The following UBN2 variants were observed in gnomAD, a reference collection of about 807,000 sequenced individuals.
UBN2 encodes the protein ubinuclein-2.
Under a neutral mutation model 120.2 loss-of-function variants are expected in UBN2, and 35 were observed. That is an observed-to-expected ratio of 0.29 (90% CI 0.22 to 0.39). The LOEUF (loss-of-function observed/expected upper bound fraction) is 0.39. UBN2 is among the 10% of genes least tolerant of loss of function. The pLI, the probability that UBN2 is intolerant of heterozygous loss-of-function variation, is 1.00. For synonymous variants in UBN2, 661 were observed against 648.7 expected (o/e 1.02, Z -0.29); for missense variants, 1,693 against 1,663.2 (o/e 1.02, Z -0.31).
intron 7 of UBN2, among the ~76,000 whole-genome samples, chr7:139,268,277 A>G (rs1157891884): frequency 1.3e-5 from 2 of 151,962 alleles, no homozygotes; most frequent in Non-Finnish European, 2.9e-5. Flanking sequence ...CACAAGTACT[A>G]GTGTTCTGAG....
At position 139,234,075 on chromosome 7, in the gene UBN2, CAT is replaced by C. The variant is rs557297802; in HGVS notation, c.468+2126_468+2127del. On this transcript the variant is annotated intron_variant, in intron 1 of 17. Transcript: ENST00000473989. ...TTATTATGCAAGAAAGCATAGAAAA[CAT>C]ATGTTTAAGTAAAATTGTCATGGTT... Among the ~76,000 whole-genome samples the C allele has an allele frequency of 2.6e-3, 397 of 152,000 alleles. 2 individuals are homozygous for C. Among genetic ancestry groups the C allele is most frequent in the South Asian group, 4.4e-3 (21 of 4,814 alleles).
the UBN2 span, among the ~76,000 whole-genome samples, chr7:139,323,382 C>T: frequency 6.6e-6 from 1 of 152,218 alleles, no homozygotes; most frequent in Non-Finnish European, 1.5e-5. Flanking sequence ...CATATGCTGA[C>T]CTCTCCTTTG....
At chr7:139,248,145 G>C (rs73466681) in intron 2 of UBN2, among the ~76,000 whole-genome samples, 3 of 152,160 alleles carry the variant, frequency 2.0e-5, no homozygotes, top group Middle Eastern at 3.4e-3. Context: ...TATGGCATAA[G>C]TTCTTAACAG....
Position 139,305,560 on chromosome 7 carries a change from A to C in UBN2, c.*7724A>C, listed in dbSNP as rs986522323. On this transcript the variant is annotated 3_prime_UTR_variant, in exon 18 of 18. Transcript: ENST00000473989. ...TACTTGTGATCTTTAATTTCCTTAT[A>C]TTGTGATAGTTCTACTTTTCAGTCT... 6.6e-6 allele frequency: 1 copy of C among 152,182 alleles called. No homozygotes were observed. Among genetic ancestry groups the C allele is most frequent in the African/African-American group, 2.4e-5 (1 of 41,444 alleles). The allele number at this position is 152,182 out of a possible 1,614,324, so 9.4% of individuals were successfully genotyped here. A position where few individuals can be genotyped will look rare whatever the true frequency, so the allele number is the denominator to read the frequency against.
chr7:139,241,638 C>CA (rs1288822919), intron 2 of UBN2, among the ~76,000 whole-genome samples: 1 of 152,142 alleles, frequency 6.6e-6, no homozygotes, highest in African/African-American at 2.4e-5. Context: ...TGTTTTCACT[C>CA]AAAGACAAAT....
At chr7:139,282,952 A>T in intron 14 of UBN2, 72 bp from the exon 15 acceptor site, 2 of 1,197,474 alleles carry the variant, frequency 1.7e-6, no homozygotes, top group Non-Finnish European at 1.1e-6. Flanking sequence ...AGAATCTTTT[A>T]GTTATTTAAA....
rs764662866 is a variant in UBN2, at chr7:139,261,646, C to G, written c.1300C>G (p.Pro434Ala). 2.5e-6 allele frequency: 4 copies of G among 1,614,156 alleles called. No individual in the cohort carries two copies. The East Asian group carries it at 8.9e-5, about 36-fold the overall frequency. ...GGGTGAAAATGGAACCACCACCCAG[C>G]CAACCTACACTTCTCAGGTTATGCC... is the stretch of plus-strand genomic sequence containing the variant. The part of the protein sequence containing the change: ...SGGENGTTTQ[P>A]TYTSQVMPKV... Residue 434 changes from proline (P) to alanine (A), a missense_variant, in exon 6 of 18, where the codon CCA becomes GCA. Physicochemically the swap from Pro to Ala is conservative, Grantham distance 27 (BLOSUM62 -1). This residue lies in a region of UBN2 where 663 missense variants were observed against 591.2 expected (regional missense o/e 1.12). Coordinates refer to ENST00000473989, the MANE Select transcript of UBN2 (RefSeq NM_173569.4).
In UBN2 at chr7:139,231,757, G is replaced by A. The variant is rs887892310; in HGVS notation, c.273G>A (p.Pro91=). 9 of 1,230,896 alleles carry A rather than the reference G, an allele frequency of 7.3e-6. No individual in the cohort carries two copies. Among genetic ancestry groups the A allele is most frequent in the Middle Eastern group, 3.0e-4 (1 of 3,296 alleles). The allele number at this position is 1,230,896 out of a possible 1,614,324, so 76.2% of individuals were successfully genotyped here. A position where few individuals can be genotyped will look rare whatever the true frequency, so the allele number is the denominator to read the frequency against. ...EPPMSLQREP[P]RPEPPPPFPP... ...CCATGTCGCTGCAGCGGGAGCCCCCGCGGCCCGAGCCGCCGCCGCCGTTCC... is the reference window on the plus strand; with the variant it reads ...CCATGTCGCTGCAGCGGGAGCCCCCACGGCCCGAGCCGCCGCCGCCGTTCC... The change falls in exon 1 of 18, where the codon CCG becomes CCA. Residue 91 remains proline (P), a synonymous_variant. Transcript: ENST00000473989.
intron 1 of UBN2, among the ~76,000 whole-genome samples, chr7:139,234,893 G>C (rs757455130): frequency 1.3e-5 from 2 of 152,126 alleles, no homozygotes; most frequent in Non-Finnish European, 2.9e-5. Flanking sequence ...GATGAGTTAA[G>C]ATCAAAGGAC....
chr7:139,267,854 G>C (rs1797146264), intron 7 of UBN2, among the ~76,000 whole-genome samples: 1 of 152,166 alleles, frequency 6.6e-6, no homozygotes, highest in Non-Finnish European at 1.5e-5. Context: ...CTGCGTGGCA[G>C]CCAGGCAACT....
intron 12 of UBN2, 42 bp from the exon 13 acceptor site, chr7:139,279,276 T>C: frequency 2.0e-6 from 3 of 1,498,210 alleles, no homozygotes; most frequent in Non-Finnish European, 2.8e-6. Flanking sequence ...ATGAGCAATA[T>C]AACTGCTACT....
chr7:139,236,922 C>G, intron 1 of UBN2, 83 bp from the exon 2 acceptor site: 2 of 798,152 alleles, frequency 2.5e-6, no homozygotes, highest in South Asian at 3.7e-5. Flanking sequence ...GTGGTTGTTA[C>G]ATAATGATAA....
chr7:139,267,762 T>C lies in UBN2; in HGVS notation c.1466+1359T>C, dbSNP rs28406602. ...TAGACTCAGAAAATGTATAACTTAGTCTGCCGCTAGTATGGTGGCAGAGGA... is the reference window on the plus strand; with the variant it reads ...TAGACTCAGAAAATGTATAACTTAGCCTGCCGCTAGTATGGTGGCAGAGGA... On this transcript the variant is annotated intron_variant, in intron 7 of 17. Transcript: ENST00000473989. 5.8e-3 allele frequency among the ~76,000 whole-genome samples: 882 copies of C among 152,328 alleles called. 13 individuals are homozygous for C. Among genetic ancestry groups the C allele is most frequent in the African/African-American group, 0.02 (839 of 41,574 alleles).
In UBN2 at chr7:139,284,144, A is replaced by C. The variant is rs749917412; in HGVS notation, c.3239A>C (p.Asn1080Thr). ...TCAACTAAACTTATTTCTAAATCCA[A>C]CCCAACTCCCAAGCCTACTGTATCC... ...SVSTKLISKS[N>T]PTPKPTVSPS... is the part of the protein sequence containing the mutation. Residue 1080 changes from asparagine to threonine, a missense_variant, in exon 15 of 18, where the codon AAC becomes ACC. By Grantham distance (65) the Asn-to-Thr change is moderately conservative. Around this residue, in one of 5 missense-constraint regions of UBN2, gnomAD observed 837 missense variants for 817.6 expected, o/e 1.02. Coordinates refer to ENST00000473989, the MANE Select transcript of UBN2 (RefSeq NM_173569.4). 1.2e-6 allele frequency: 2 copies of C among 1,613,438 alleles called. No individual in the cohort carries two copies. Among genetic ancestry groups the C allele is most frequent in the East Asian group, 4.5e-5 (2 of 44,852 alleles).
At chr7:139,319,950 C>G in the UBN2 span, among the ~76,000 whole-genome samples, 5 of 151,804 alleles carry the variant, frequency 3.3e-5, no homozygotes, top group African/African-American at 1.2e-4. Context: ...GTGGCGGGTG[C>G]CTGTAGTCCC....
the UBN2 span, among the ~76,000 whole-genome samples, chr7:139,321,945 G>A: frequency 6.6e-6 from 1 of 152,038 alleles, no homozygotes; most frequent in African/African-American, 2.4e-5. Context: ...GAAGTTTTGA[G>A]ATGACACTGG....
At chr7:139,240,453 TA>T (rs60831029) in intron 2 of UBN2, among the ~76,000 whole-genome samples, 2,660 of 41,544 alleles carry the variant, frequency 0.064, 67 homozygotes, top group African/African-American at 0.14. Flanking sequence ...TATATATATA[TA>T]TTTTTTTTTT....
chr7:139,243,105 CTTGT>C lies in UBN2; in HGVS notation c.561+6019_561+6022del, dbSNP rs1187631766. ...TCAGGGGGTCTAGTACTAAGAACAT[CTTGT>C]TTGTTTGTTTTCCAGTTGAGTGTTA... On this transcript the variant is annotated intron_variant, in intron 2 of 17. Coordinates refer to ENST00000473989, the MANE Select transcript of UBN2 (RefSeq NM_173569.4). Among the ~76,000 whole-genome samples, 4 of 152,210 alleles carry C rather than the reference CTTGT, an allele frequency of 2.6e-5. No homozygotes were observed. The East Asian group carries it at 5.8e-4, about 22-fold the overall frequency.
At chr7:139,262,722 A>AC (rs1796976073) in intron 6 of UBN2, among the ~76,000 whole-genome samples, 1 of 151,740 alleles carries the variant, frequency 6.6e-6, no homozygotes, top group Admixed American at 6.6e-5. Flanking sequence ...TCAAAAAAAA[A>AC]AAAAAAACCC....
Sources: gnomAD v4.1 joint callset for allele counts (sites outside exome capture counted in the v4.1 genomes callset) on GRCh38, gnomAD v4.1.1 for gene constraint, gnomAD v4.1.1 regional missense constraint, MANE v1.5 for transcripts, NCBI Gene and HGNC (gene_info 2026-07-23, HGNC 2026-07-21) for gene names.